The following PRKDC variants were observed in gnomAD, a reference collection of about 807,000 sequenced individuals.
PRKDC encodes the protein DNA-dependent protein kinase catalytic subunit.
Under a neutral mutation model 486.9 loss-of-function variants are expected in PRKDC, and 82 were observed. The observed-to-expected ratio is 0.17, with a 90% CI of 0.14 to 0.20. The LOEUF is 0.20. PRKDC is among the 10% of genes least tolerant of loss of function. PRKDC has a pLI of 1.00. For synonymous variants in PRKDC, 1,895 were observed against 1,837.0 expected (o/e 1.03, Z -0.81); for missense variants, 4,504 against 5,038.2 (o/e 0.89, Z 3.21).
intron 4 of PRKDC, among the ~76,000 whole-genome samples, chr8:47,954,990 C>T (rs1223803509): frequency 6.6e-6 from 1 of 151,304 alleles, no homozygotes; most frequent in Non-Finnish European, 1.5e-5. Flanking sequence ...CCCGTCTCTA[C>T]TAAAAATACA....
intron 74 of PRKDC, among the ~76,000 whole-genome samples, chr8:47,791,258 C>T (rs2086877760): frequency 6.6e-6 from 1 of 152,082 alleles, no homozygotes; most frequent in African/African-American, 2.4e-5. Flanking sequence ...GGGCAGATCA[C>T]GAGGTCAGGC....
At chr8:47,870,208 G>A (rs1249571315) in intron 40 of PRKDC, among the ~76,000 whole-genome samples, 1 of 152,110 alleles carries the variant, frequency 6.6e-6, no homozygotes, top group Admixed American at 6.5e-5. Flanking sequence ...GCCAGGCAGT[G>A]GTCACTGAAG....
intron 69 of PRKDC, chr8:47,805,180 T>A (rs897943287): frequency 6.6e-6 from 1 of 152,174 alleles, no homozygotes; most frequent in African/African-American, 2.4e-5. Flanking sequence ...TGGACTAGCC[T>A]CTACGTTTAA....
At chr8:47,948,995 A>G (rs1315168976) in intron 7 of PRKDC, among the ~76,000 whole-genome samples, 1 of 152,262 alleles carries the variant, frequency 6.6e-6, no homozygotes, top group Non-Finnish European at 1.5e-5. Context: ...GAAGTCTGAA[A>G]TGATTCTCAT....
At chr8:47,877,142 ACAG>A (rs1288507650) in intron 40 of PRKDC, among the ~76,000 whole-genome samples, 1 of 152,278 alleles carries the variant, frequency 6.6e-6, no homozygotes. Context: ...AAGACATTAT[ACAG>A]GACAAGTGTC....
At chr8:47,920,007 G>A (rs931241711) in intron 21 of PRKDC, among the ~76,000 whole-genome samples, 2 of 152,156 alleles carry the variant, frequency 1.3e-5, no homozygotes, top group African/African-American at 4.8e-5. Flanking sequence ...AATAGCATGA[G>A]GCATCTGTGC....
Position 47,838,051 on chromosome 8 carries a change from G to A in PRKDC, c.7554-632C>T, listed in dbSNP as rs570702394. 4.6e-5 allele frequency among the ~76,000 whole-genome samples: 7 copies of A among 152,050 alleles called. No individual in the cohort carries two copies. The East Asian group carries it at 9.7e-4, about 21-fold the overall frequency. On this transcript the variant is annotated intron_variant, in intron 56 of 85. Coordinates refer to ENST00000314191, the MANE Select transcript of PRKDC (RefSeq NM_006904.7). ...CTCGGGAGGCTGAGGCAGGAGAATC[G>A]CTTGAACCTAGGAGGCGGAGGTTGC... is the stretch of plus-strand genomic sequence containing the variant.
chr8:47,888,105 T>C (rs1341287308), intron 34 of PRKDC, among the ~76,000 whole-genome samples: 1 of 152,160 alleles, frequency 6.6e-6, no homozygotes, highest in Non-Finnish European at 1.5e-5. Flanking sequence ...CTCAAACTTC[T>C]GGCCTCAAGC....
chr8:47,863,365 A>C, intron 42 of PRKDC, 34 bp downstream of exon 42: 1 of 1,517,044 alleles, frequency 6.6e-7, no homozygotes. Context: ...GCATTGATAA[A>C]TAAAATAGAA....
chr8:47,871,585 T>G (rs1238137557), intron 40 of PRKDC, among the ~76,000 whole-genome samples: 2 of 151,158 alleles, frequency 1.3e-5, no homozygotes, highest in Non-Finnish European at 3.0e-5. Flanking sequence ...ATAAAAGGAG[T>G]TTTTTTTGTT....
At chr8:47,929,236 A>G in intron 18 of PRKDC, 58 bp from the exon 19 acceptor site, 1 of 1,184,922 alleles carries the variant, frequency 8.4e-7, no homozygotes, top group South Asian at 1.3e-5. Context: ...CTGTATCCCA[A>G]TCCAGTAGTT....
rs2090283080 is a variant in PRKDC at position 47,933,023 on chromosome 8, T to A, written c.1773A>T (p.Gln591His). ...LTLEIQTVGE[Q>H]ENGDEAPGVW... ...ACTACTGATAAAAATTTCTAACCTC[T>A]TGTTCCCCAACAGTCTGTATTTCAA... Residue 591 changes from glutamine (Q) to histidine (H), a missense_variant, in exon 16 of 86, where the codon CAA (glutamine) becomes CAT (histidine). Physicochemically the swap from Gln to His is conservative, Grantham distance 24. Coordinates refer to ENST00000314191, the MANE Select transcript of PRKDC (RefSeq NM_006904.7). 1.3e-6 allele frequency: 2 copies of A among 1,583,504 alleles called. No individual in the cohort carries two copies. The highest frequency in any genetic ancestry group is 2.4e-5 in the South Asian group (2 of 83,020).
At chr8:47,815,339 C>T (rs2087420495) in intron 68 of PRKDC, among the ~76,000 whole-genome samples, 1 of 152,136 alleles carries the variant, frequency 6.6e-6, no homozygotes, top group African/African-American at 2.4e-5. Context: ...TTATGAAAGA[C>T]TTTTGAACAA....
rs1187674610 is a variant in PRKDC at position 47,862,084 on chromosome 8, T to C, written c.5963A>G (p.Tyr1988Cys). ...CACCTCAACTTCTACAGGAAAATTA[T>C]AGCGGCGCTTCAGGTCGATCAGATT... ...FENLIDLKRR[Y>C]NFPVEVEVPM... The change falls in exon 44 of 86, where the codon TAT becomes TGT. Residue 1988 changes from tyrosine (Y) to cysteine (C), a missense_variant. Tyr to Cys is a radical substitution (Grantham distance 194). Transcript: ENST00000314191. The C allele has an allele frequency of 1.3e-6, 2 of 1,553,764 alleles. No individual in the cohort carries two copies. Among genetic ancestry groups the C allele is most frequent in the Non-Finnish European group, 1.7e-6 (2 of 1,147,362 alleles).
In PRKDC at chr8:47,820,949, G is replaced by A. The variant is rs769434324; in HGVS notation, c.9112-6C>T. On this transcript the variant is annotated splice_polypyrimidine_tract_variant and splice_region_variant and intron_variant, in intron 65 of 85. Coordinates refer to ENST00000314191, the MANE Select transcript of PRKDC (RefSeq NM_006904.7). ...ATGTAAGGTAGATATGTTTCCTAAG[G>A]AACATAAAAATATACTTGTAACTAC... The A allele has an allele frequency of 5.9e-6, 9 of 1,532,876 alleles. No homozygotes were observed. Among genetic ancestry groups the A allele is most frequent in the African/African-American group, 1.4e-5 (1 of 73,056 alleles). The allele number at this position is 1,532,876 out of a possible 1,614,324, so 95.0% of individuals were successfully genotyped here.
Position 47,959,976 on chromosome 8 carries a change from G to A in PRKDC, c.151C>T (p.Leu51=). Residue 51 remains leucine, a synonymous_variant, in exon 1 of 86, where the codon CTG becomes TTG. Coordinates refer to ENST00000314191, the MANE Select transcript of PRKDC (RefSeq NM_006904.7). The part of the protein sequence containing the change: ...ECVLSSSPAV[L]ALQTSLVFSR... Reference sequence around the variant, plus strand: ...CCCAGCTCGGGCCGGTACCCACCCAGCACCGCGGGGCTGCTGCTCAGGACG... The same window carrying A: ...CCCAGCTCGGGCCGGTACCCACCCAACACCGCGGGGCTGCTGCTCAGGACG... 1 of 1,496,696 alleles carries A rather than the reference G, an allele frequency of 6.7e-7. No homozygotes were observed. The allele number at this position is 1,496,696 out of a possible 1,614,324, so 92.7% of individuals were successfully genotyped here.
intron 21 of PRKDC, among the ~76,000 whole-genome samples, chr8:47,919,991 AC>A (rs1300887134): frequency 6.6e-6 from 1 of 152,226 alleles, no homozygotes; most frequent in Non-Finnish European, 1.5e-5. Flanking sequence ...TTCCTGAACC[AC>A]AAACAATAGC....
At chr8:47,796,513 T>C (rs551945771) in intron 73 of PRKDC, among the ~76,000 whole-genome samples, 1 of 152,314 alleles carries the variant, frequency 6.6e-6, no homozygotes, top group South Asian at 2.1e-4. Flanking sequence ...TCTACTGGTC[T>C]ATTGTGACCA....
At chr8:47,843,422 C>G (rs999157285) in intron 54 of PRKDC, among the ~76,000 whole-genome samples, 3 of 151,684 alleles carry the variant, frequency 2.0e-5, no homozygotes, top group Non-Finnish European at 4.4e-5. Flanking sequence ...TAAAAAGAAC[C>G]AAACCTATGA....
Sources: allele counts gnomAD v4.1 joint callset (sites outside exome capture counted in the v4.1 genomes callset), GRCh38; gene constraint gnomAD v4.1.1; transcripts MANE v1.5; gene names NCBI Gene and HGNC (gene_info 2026-07-23, HGNC 2026-07-21).